Variants in ANKLE2 observed in about 807,000 individuals in gnomAD.
The protein encoded by ANKLE2 is ankyrin repeat and LEM domain-containing protein 2.
Under a neutral mutation model 84.2 loss-of-function variants are expected in ANKLE2, and 55 were observed. The observed-to-expected ratio is 0.65, with a 90% CI of 0.53 to 0.82. The LOEUF (loss-of-function observed/expected upper bound fraction) is 0.82, where lower values mean the gene tolerates loss of function less well. Ranked by LOEUF, ANKLE2 falls within the 40% of genes least tolerant of loss-of-function variation. The pLI, the probability that ANKLE2 is intolerant of heterozygous loss-of-function variation, is 0.00. For missense variants in ANKLE2, 1,238 were observed against 1,201.9 expected, an observed-to-expected ratio of 1.03 and a Z score of -0.44; for synonymous variants, 551 against 486.1, an observed-to-expected ratio of 1.13 and a Z score of -1.76.
chr12:132,748,298 T>C lies in ANKLE2; in HGVS notation c.881A>G (p.Asn294Ser), dbSNP rs767885706. 5.6e-6 allele frequency: 9 copies of C among 1,614,076 alleles called. No homozygotes were observed. Among genetic ancestry groups the C allele is most frequent in the Non-Finnish European group, 6.8e-6 (8 of 1,180,042 alleles). Residue 294 changes from asparagine (N) to serine (S), a missense_variant, in exon 4 of 13, where the codon AAC (asparagine) becomes AGC (serine). By Grantham distance (46) the Asn-to-Ser change is conservative. Coordinates refer to ENST00000357997, the MANE Select transcript of ANKLE2 (RefSeq NM_015114.3). Reference sequence around the variant, plus strand: ...TTTGTAACTGTTCGCTCGCTCTTTGTTGACTGTTTCTGATTCCGACAAGCA... The same window carrying C: ...TTTGTAACTGTTCGCTCGCTCTTTGCTGACTGTTTCTGATTCCGACAAGCA... ...GLCLSESETV[N>S]KERANSYKNP...
chr12:132,746,957 G>A (rs912328766), intron 5 of ANKLE2, among the ~76,000 whole-genome samples: 31 of 152,222 alleles, frequency 2.0e-4, no homozygotes, highest in Non-Finnish European at 3.5e-4. Flanking sequence ...AGGGGTGGGA[G>A]GGGCTAAGAG....
In ANKLE2 at chr12:132,755,110, A is replaced by G; in HGVS notation, c.205T>C (p.Leu69=). 1 of 1,607,630 alleles carries G rather than the reference A, an allele frequency of 6.2e-7. No individual in the cohort carries two copies. Among genetic ancestry groups the G allele is most frequent in the Middle Eastern group, 1.7e-4 (1 of 6,050 alleles). The change falls in exon 2 of 13, where the codon TTG becomes CTG. Residue 69 remains leucine (L), a synonymous_variant. Transcript: ENST00000357997. ...GGATTCAGAAGTTTCAATCGAGCCA[A>G]CAGAGCATCCATTGTCATTTCACCT... ...ASGEMTMDAL[L]ARLKLLNPDD...
chr12:132,759,521 G>GTGCTATGTGA (rs2044571893), intron 1 of ANKLE2: 1 of 140,310 alleles, frequency 7.1e-6, no homozygotes, highest in African/African-American at 3.3e-5. Flanking sequence ...CTATATATAT[G>GTGCTATGTGA]TATACTATAT....
rs1471376476 is a variant in ANKLE2 at position 132,745,111 on chromosome 12, CG to C, written c.1231-1836del. On this transcript the variant is annotated intron_variant, in intron 5 of 12. Transcript: ENST00000357997. Reference sequence around the variant, plus strand: ...TGCTCGGCTCCCACAGCCCATCACTCGGCTCCCACAGCGCCCGCACCGCGGC... The same window carrying C: ...TGCTCGGCTCCCACAGCCCATCACTCGCTCCCACAGCGCCCGCACCGCGGC... The C allele has an allele frequency of 1.3e-4, 20 of 152,736 alleles. No individual in the cohort carries two copies. In the East Asian group the frequency reaches 3.9e-3, roughly 29 times the overall value. The allele number at this position is 152,736 out of a possible 1,614,324, so 9.5% of individuals were successfully genotyped here.
chr12:132,742,545 A>C (rs2044146499), intron 6 of ANKLE2: 2 of 152,428 alleles, frequency 1.3e-5, no homozygotes, highest in African/African-American at 4.8e-5. Context: ...TGCCCTCTGC[A>C]AGGTGCACTT....
At position 132,727,114 on chromosome 12, in the gene ANKLE2, A is replaced by G. The variant is rs1162262670; in HGVS notation, c.*128T>C. ...ATATAGAACATTTAAATCTTCTAAA[A>G]TTCTCACACCCTCAAAGTGAGGAGT... On this transcript the variant is annotated 3_prime_UTR_variant, in exon 13 of 13. Coordinates refer to ENST00000357997, the MANE Select transcript of ANKLE2 (RefSeq NM_015114.3). 2 of 1,022,662 alleles carry G rather than the reference A, an allele frequency of 2.0e-6. No individual in the cohort carries two copies. The highest frequency in any genetic ancestry group is 2.7e-6 in the Non-Finnish European group (2 of 739,840). The allele number at this position is 1,022,662 out of a possible 1,614,324, so 63.3% of individuals were successfully genotyped here.
chr12:132,735,360 C>T, intron 9 of ANKLE2, 46 bp downstream of exon 9: 1 of 1,554,136 alleles, frequency 6.4e-7, no homozygotes, highest in South Asian at 1.1e-5. Flanking sequence ...AATCAAAATG[C>T]AACCAACTGT....
rs367759177 is a variant in ANKLE2 at position 132,744,342 on chromosome 12, G to A, written c.1231-1066C>T. Among the ~76,000 whole-genome samples the A allele has an allele frequency of 3.2e-4, 48 of 152,200 alleles. No individual in the cohort carries two copies. In the South Asian group the frequency reaches 8.5e-3, roughly 27 times the overall value. On this transcript the variant is annotated intron_variant, in intron 5 of 12. Coordinates refer to ENST00000357997, the MANE Select transcript of ANKLE2 (RefSeq NM_015114.3). ...AGCACAGCCAGAAACACCTTCTCTC[G>A]TCACCTCTGATTACCAAGATTCTGG...
chr12:132,727,037 T>G lies in ANKLE2; in HGVS notation c.*205A>C. On this transcript the variant is annotated 3_prime_UTR_variant, in exon 13 of 13. Coordinates refer to ENST00000357997, the MANE Select transcript of ANKLE2 (RefSeq NM_015114.3). ...ATTTTCCAGAAAATTGGTAACTGAG[T>G]TTGCTTTCATTAACTTCTAACTTCT... is the stretch of plus-strand genomic sequence containing the variant. 1 of 607,888 alleles carries G rather than the reference T, an allele frequency of 1.6e-6. No individual in the cohort carries two copies. The highest frequency in any genetic ancestry group is 3.4e-5 in the South Asian group (1 of 29,174). 37.7% of individuals were successfully genotyped at this position (607,888 alleles called of 1,614,324 possible). A position where few individuals can be genotyped will look rare whatever the true frequency, so the allele number is the denominator to read the frequency against.
intron 9 of ANKLE2, chr12:132,734,933 G>C (rs1006262820): frequency 1.0e-5 from 3 of 292,660 alleles, no homozygotes; most frequent in Non-Finnish European, 1.9e-5. Flanking sequence ...CGTGGTTCTA[G>C]TCATGGCCAG....
intron 9 of ANKLE2, chr12:132,734,801 C>T (rs1282577593): frequency 1.2e-5 from 6 of 518,126 alleles, no homozygotes; most frequent in Non-Finnish European, 1.3e-5. Context: ...GAGCCGTGAA[C>T]CGGCTGCAGG....
rs371085579 is a variant in ANKLE2, at chr12:132,747,933, G to C, written c.1129C>G (p.Pro377Ala). ...CQLTLDVLEN[P>A]DFMRLMYPDD... Reference sequence around the variant, plus strand: ...GGGTACATCAGCCTCATGAAGTCAGGGTTCTCCAGGACGTCCAGAGTCAGC... The same window carrying C: ...GGGTACATCAGCCTCATGAAGTCAGCGTTCTCCAGGACGTCCAGAGTCAGC... The change falls in exon 5 of 13, where the codon CCT (proline) becomes GCT (alanine). Residue 377 changes from proline to alanine, a missense_variant. Transcript: ENST00000357997. The C allele has an allele frequency of 1.4e-5, 22 of 1,600,724 alleles. No individual in the cohort carries two copies. Among genetic ancestry groups the C allele is most frequent in the Non-Finnish European group, 1.7e-5 (20 of 1,176,864 alleles).
chr12:132,736,584 G>T (rs2044013785), intron 8 of ANKLE2, among the ~76,000 whole-genome samples: 1 of 152,212 alleles, frequency 6.6e-6, no homozygotes, highest in South Asian at 2.1e-4. Context: ...CCTAGGACGG[G>T]CCATCAACAC....
intron 1 of ANKLE2, chr12:132,757,984 C>CAAAAAAA (rs759123738): frequency 1.5e-5 from 1 of 66,278 alleles, no homozygotes; most frequent in Non-Finnish European, 3.4e-5. Flanking sequence ...ACCCCGTCTC[C>CAAAAAAA]AAAAAAAAAA....
intron 2 of ANKLE2, among the ~76,000 whole-genome samples, chr12:132,754,412 C>T (rs573901603): frequency 1.4e-4 from 21 of 152,300 alleles, no homozygotes; most frequent in African/African-American, 5.1e-4. Flanking sequence ...CCAACAGCAG[C>T]AGCCAGTTAA....
Position 132,728,021 on chromosome 12 carries a change from G to A in ANKLE2, c.2615+11C>T. 1 of 1,587,940 alleles carries A rather than the reference G, an allele frequency of 6.3e-7. No homozygotes were observed. The highest frequency in any genetic ancestry group is 8.5e-7 in the Non-Finnish European group (1 of 1,170,430). On this transcript the variant is annotated intron_variant, in intron 12 of 12. Transcript: ENST00000357997. ...GCCCTGCGGGTGACAGGCTGTCCGGGCCCCACATACCTCTGTCTGTCCGAG... is the reference window on the plus strand; with the variant it reads ...GCCCTGCGGGTGACAGGCTGTCCGGACCCCACATACCTCTGTCTGTCCGAG...
chr12:132,745,250 GC>G, intron 5 of ANKLE2: 3 of 184,408 alleles, frequency 1.6e-5, no homozygotes, highest in Admixed American at 5.8e-5. Context: ...AGGTGGGGCT[GC>G]CCAGGCTACT....
At chr12:132,756,825 G>A (rs1441867530) in intron 1 of ANKLE2, 2 of 151,840 alleles carry the variant, frequency 1.3e-5, no homozygotes, top group African/African-American at 4.8e-5. Context: ...CAGCTACTCG[G>A]GAACCTGAGG....
chr12:132,734,140 G>A (rs1182281407), intron 10 of ANKLE2: 2 of 565,404 alleles, frequency 3.5e-6, no homozygotes, highest in African/African-American at 1.9e-5. Context: ...AGCTACTCAG[G>A]AGGCTGAGGC....
Sources: allele counts gnomAD v4.1 joint callset (sites outside exome capture counted in the v4.1 genomes callset), GRCh38; gene constraint gnomAD v4.1.1; transcripts MANE v1.5; gene names NCBI Gene and HGNC (gene_info 2026-07-23, HGNC 2026-07-21).